The following HIF1A variants were observed in gnomAD, a reference collection of about 807,000 sequenced individuals.
HIF1A encodes the protein hypoxia-inducible factor 1-alpha.
A neutral mutation model predicts 92.7 loss-of-function variants in HIF1A; 24 were observed. That is an observed-to-expected ratio of 0.26 (90% CI 0.19 to 0.36). HIF1A has a LOEUF of 0.36. Among genes scored for constraint, HIF1A ranks in the 10% least tolerant of loss-of-function variants. The probability of loss-of-function intolerance (pLI) is 1.00; values close to 1 mark genes in which losing one functional copy is unlikely to be tolerated. For missense variants in HIF1A, 799 were observed against 998.5 expected (o/e 0.80, Z 2.69); for synonymous variants, 319 against 338.7 (o/e 0.94, Z 0.64).
At chr14:61,709,190 C>T (rs2044279238) in intron 1 of HIF1A, among the ~76,000 whole-genome samples, 1 of 152,170 alleles carries the variant, frequency 6.6e-6, no homozygotes, top group African/African-American at 2.4e-5. Context: ...AGCCACTGCA[C>T]CTGGCACAAT....
chr14:61,720,484 T>C lies in HIF1A; in HGVS notation c.138T>C (p.Leu46=). 6.2e-7 allele frequency: 1 copy of C among 1,613,772 alleles called. No homozygotes were observed. Among genetic ancestry groups the C allele is most frequent in the Non-Finnish European group, 8.5e-7 (1 of 1,179,792 alleles). The part of the protein sequence containing the change: ...VFYELAHQLP[L]PHNVSSHLDK... ...ATGAGCTTGCTCATCAGTTGCCACT[T>C]CCACATAATGTGAGTTCGCATCTTG... The change falls in exon 2 of 15, where the codon CTT becomes CTC. Residue 46 remains leucine, a synonymous_variant. Transcript: ENST00000337138.
At chr14:61,726,231 T>A (rs570974493) in intron 4 of HIF1A, among the ~76,000 whole-genome samples, 1 of 151,960 alleles carries the variant, frequency 6.6e-6, no homozygotes, top group South Asian at 2.1e-4. Context: ...GGGAAAAAAA[T>A]AAGATACGTA....
chr14:61,744,954 T>A (rs2044760287), intron 13 of HIF1A, 141 bp downstream of exon 13: 1 of 499,096 alleles, frequency 2.0e-6, no homozygotes, highest in Admixed American at 4.0e-5. Context: ...TGGGTTTTTT[T>A]ACTCTGTATG....
intron 2 of HIF1A, among the ~76,000 whole-genome samples, chr14:61,721,267 A>T (rs1376550636): frequency 1.3e-5 from 2 of 151,962 alleles, no homozygotes. Flanking sequence ...ATAAATAAAT[A>T]AAAAACATTA....
At chr14:61,742,291 G>T (rs1358572004) in intron 12 of HIF1A, among the ~76,000 whole-genome samples, 1 of 152,166 alleles carries the variant, frequency 6.6e-6, no homozygotes, top group Non-Finnish European at 1.5e-5. Flanking sequence ...TCTCTACTAT[G>T]TCTAGACTAA....
chr14:61,695,858 C>G lies in HIF1A; in HGVS notation c.35+19C>G. The G allele has an allele frequency of 6.4e-7, 1 of 1,563,180 alleles. No individual in the cohort carries two copies. Among genetic ancestry groups the G allele is most frequent in the Non-Finnish European group, 8.7e-7 (1 of 1,154,056 alleles). Reference sequence around the variant, plus strand: ...AGAAAAAGTAAGCCCATTCCCTCGGCCCGCCGCCTTCTCCCCCGGCGACCC... The same window carrying G: ...AGAAAAAGTAAGCCCATTCCCTCGGGCCGCCGCCTTCTCCCCCGGCGACCC... On this transcript the variant is annotated intron_variant, in intron 1 of 14. Transcript: ENST00000337138.
rs918618826 is a variant in HIF1A at position 61,721,383 on chromosome 14, G to A, written c.227-126G>A. 8 of 681,268 alleles carry A rather than the reference G, an allele frequency of 1.2e-5. No homozygotes were observed. The East Asian group carries it at 1.6e-4, about 14-fold the overall frequency. The allele number at this position is 681,268 out of a possible 1,614,324, so 42.2% of individuals were successfully genotyped here. On this transcript the variant is annotated intron_variant, in intron 2 of 14. Transcript: ENST00000337138. ...TCTAGCTTCTGGCCTGCACTTTTCT[G>A]TGTTGAAATGGCTGTATATATTAAA...
At chr14:61,738,674 A>ATT (rs1387547897) in intron 10 of HIF1A, among the ~76,000 whole-genome samples, 1 of 152,208 alleles carries the variant, frequency 6.6e-6, no homozygotes, top group African/African-American at 2.4e-5. Context: ...GAATTTGGAC[A>ATT]TTTAAAGAGA....
chr14:61,732,298 C>T (rs1178323949), intron 6 of HIF1A, 120 bp from the exon 7 acceptor site: 2 of 652,612 alleles, frequency 3.1e-6, no homozygotes, highest in East Asian at 5.1e-5. Flanking sequence ...GGAGGATGCT[C>T]ATTTTTGAAA....
chr14:61,737,046 G>T lies in HIF1A; in HGVS notation c.1186G>T (p.Ala396Ser). The T allele has an allele frequency of 6.2e-7, 1 of 1,614,182 alleles. No homozygotes were observed. Among genetic ancestry groups the T allele is most frequent in the Non-Finnish European group, 8.5e-7 (1 of 1,180,040 alleles). ...TGACAAACTTAAGAAGGAACCTGAT[G>T]CTTTAACTTTGCTGGCCCCAGCCGC... The part of the protein sequence containing the change: ...LFDKLKKEPD[A>S]LTLLAPAAGD... The change falls in exon 9 of 15, where the codon GCT becomes TCT. Residue 396 changes from alanine (A) to serine (S), a missense_variant. Physicochemically the swap from Ala to Ser is moderately conservative, Grantham distance 99. Around this residue, in one of 2 missense-constraint regions of HIF1A, gnomAD observed 516 missense variants for 721.0 expected, o/e 0.72. Coordinates refer to ENST00000337138, the MANE Select transcript of HIF1A (RefSeq NM_001530.4).
intron 6 of HIF1A, among the ~76,000 whole-genome samples, chr14:61,731,468 T>A (rs2044574704): frequency 6.6e-6 from 1 of 152,234 alleles, no homozygotes; most frequent in Non-Finnish European, 1.5e-5. Context: ...CTATTTTCAT[T>A]TGAAATATTG....
At chr14:61,724,143 A>G (rs534030603) in intron 4 of HIF1A, among the ~76,000 whole-genome samples, 7 of 149,012 alleles carry the variant, frequency 4.7e-5, no homozygotes, top group African/African-American at 1.7e-4. Flanking sequence ...TTTTTTCCTC[A>G]TTAGGAAAAC....
At chr14:61,736,474 C>T (rs2044639355) in intron 8 of HIF1A, among the ~76,000 whole-genome samples, 1 of 152,100 alleles carries the variant, frequency 6.6e-6, no homozygotes, top group Admixed American at 6.6e-5. Flanking sequence ...AGTTGTTCAA[C>T]CCTTGCCCCT....
Position 61,740,956 on chromosome 14 carries a change from A to C in HIF1A, c.1861A>C (p.Thr621Pro), listed in dbSNP as rs1161332722. 1 of 1,614,132 alleles carries C rather than the reference A, an allele frequency of 6.2e-7. No individual in the cohort carries two copies. The highest frequency in any genetic ancestry group is 8.5e-7 in the Non-Finnish European group (1 of 1,179,940). ...TAATGCCACCACTACCACTGCCACC[A>C]CTGATGAATTAAAAACAGTGACAAA... is the stretch of plus-strand genomic sequence containing the variant. ...TANATTTTAT[T>P]DELKTVTKDR... The change falls in exon 12 of 15, where the codon ACT becomes CCT. Residue 621 changes from threonine to proline, a missense_variant. Around this residue, in one of 2 missense-constraint regions of HIF1A, gnomAD observed 283 missense variants for 277.5 expected, o/e 1.02. Transcript: ENST00000337138.
chr14:61,724,215 TG>T (rs1409612817), intron 4 of HIF1A, among the ~76,000 whole-genome samples: 1 of 151,974 alleles, frequency 6.6e-6, no homozygotes, highest in Non-Finnish European at 1.5e-5. Context: ...TCAAAGGCCT[TG>T]GGTTCCTTTC....
intron 8 of HIF1A, among the ~76,000 whole-genome samples, chr14:61,735,822 C>T (rs145222625): frequency 9.6e-4 from 146 of 152,260 alleles, no homozygotes; most frequent in African/African-American, 3.4e-3. Flanking sequence ...ATCTTTAGGA[C>T]TATCCTTAGA....
At chr14:61,725,352 T>C (rs527243908) in intron 4 of HIF1A, among the ~76,000 whole-genome samples, 1 of 152,322 alleles carries the variant, frequency 6.6e-6, no homozygotes, top group Non-Finnish European at 1.5e-5. Flanking sequence ...TAAATATTTT[T>C]ATATGTGTTC....
chr14:61,740,430 A>G, intron 10 of HIF1A, 75 bp from the exon 11 acceptor site: 3 of 1,088,258 alleles, frequency 2.8e-6, no homozygotes, highest in Non-Finnish European at 4.0e-6. Context: ...TCTGAGATCT[A>G]GTTTGAAAAT....
intron 1 of HIF1A, 97 bp downstream of exon 1, chr14:61,695,936 G>GT (rs2044108556): frequency 9.1e-7 from 1 of 1,099,430 alleles, no homozygotes; most frequent in African/African-American, 1.8e-5. Context: ...TAATGGGATT[G>GT]GGGGGGGCAG....
Sources: allele counts gnomAD v4.1 joint callset (sites outside exome capture counted in the v4.1 genomes callset), GRCh38; gene constraint gnomAD v4.1.1; regional missense constraint gnomAD v4.1.1; transcripts MANE v1.5; gene names NCBI Gene and HGNC (gene_info 2026-07-23, HGNC 2026-07-21).